CSMD2: variants seen among roughly 807,000 people sequenced by gnomAD.
CSMD2 encodes the protein CUB and sushi domain-containing protein 2.
CSMD2 carries 130 observed loss-of-function variants against 398.5 expected under a neutral mutation model. The ratio of observed to expected loss-of-function variants is 0.33; its 90% CI spans 0.28 to 0.38. The LOEUF is 0.38. Ranked by LOEUF, CSMD2 falls within the 10% of genes least tolerant of loss-of-function variation. The probability of loss-of-function intolerance (pLI) is 1.00; values close to 1 mark genes in which losing one functional copy is unlikely to be tolerated. For missense variants in CSMD2, 3,829 were observed against 4,764.9 expected, an observed-to-expected ratio of 0.80 and a Z score of 5.78; for synonymous variants, 1,828 against 1,908.5, an observed-to-expected ratio of 0.96 and a Z score of 1.10.
chr1:34,052,495 C>CTGTG (rs143571706), intron 2 of CSMD2, among the ~76,000 whole-genome samples: 8,856 of 134,028 alleles, frequency 0.066, 678 homozygotes, highest in African/African-American at 0.19. Context: ...TATGGGACAA[C>CTGTG]TGTGTGTGTG....
chr1:34,026,512 G>A (rs990514809), intron 3 of CSMD2, among the ~76,000 whole-genome samples: 1 of 152,210 alleles, frequency 6.6e-6, no homozygotes, highest in Non-Finnish European at 1.5e-5. Context: ...AGATCTAACA[G>A]ACTGAGACCC....
chr1:33,961,576 CA>C (rs1420252501), intron 3 of CSMD2, among the ~76,000 whole-genome samples: 3 of 152,168 alleles, frequency 2.0e-5, no homozygotes. Context: ...GGGGCCTCAT[CA>C]GTGAGATGAG....
chr1:33,840,786 G>A (rs75971003), intron 6 of CSMD2, among the ~76,000 whole-genome samples: 54 of 152,278 alleles, frequency 3.5e-4, no homozygotes, highest in African/African-American at 1.2e-3. Context: ...GCAGCAACAA[G>A]CCTGCAATTT....
chr1:33,739,400 A>G, intron 14 of CSMD2, 66 bp from the exon 15 acceptor site: 1 of 1,453,478 alleles, frequency 6.9e-7, no homozygotes, highest in South Asian at 1.4e-5. Context: ...CCTAAAGAAA[A>G]TTAGCTTCCT....
chr1:33,534,279 A>G (rs982916481), intron 62 of CSMD2, among the ~76,000 whole-genome samples: 17 of 152,252 alleles, frequency 1.1e-4, no homozygotes, highest in Admixed American at 9.8e-4. Flanking sequence ...CCTTGCCACA[A>G]TCACACTGGA....
intron 22 of CSMD2, among the ~76,000 whole-genome samples, chr1:33,701,006 AG>A (rs1474049731): frequency 6.6e-6 from 1 of 152,128 alleles, no homozygotes; most frequent in African/African-American, 2.4e-5. Context: ...CAGCCTGGGG[AG>A]GCCAGGTTTG....
At chr1:34,040,560 T>A (rs780489420) in intron 2 of CSMD2, among the ~76,000 whole-genome samples, 1 of 152,214 alleles carries the variant, frequency 6.6e-6, no homozygotes, top group Non-Finnish European at 1.5e-5. Context: ...TGTGTATTTC[T>A]AAATGAATGG....
chr1:33,860,688 A>C lies in CSMD2; in HGVS notation c.921-13692T>G, dbSNP rs549138431. ...TGGTTGTAATGAGCTAGACTTGCCCAAAGTTACTCAGCTAGTAAATGGCAA... is the reference window on the plus strand; with the variant it reads ...TGGTTGTAATGAGCTAGACTTGCCCCAAGTTACTCAGCTAGTAAATGGCAA... On this transcript the variant is annotated intron_variant, in intron 5 of 70. Coordinates refer to ENST00000373381, the MANE Select transcript of CSMD2 (RefSeq NM_001281956.2). 3.9e-5 allele frequency: 6 copies of C among 152,334 alleles called. No individual in the cohort carries two copies. The East Asian group carries it at 1.2e-3, about 29-fold the overall frequency. The allele number at this position is 152,334 out of a possible 1,614,324, so 9.4% of individuals were successfully genotyped here.
chr1:34,010,094 G>A (rs1647197524), intron 3 of CSMD2, among the ~76,000 whole-genome samples: 3 of 152,144 alleles, frequency 2.0e-5, no homozygotes, highest in Non-Finnish European at 1.5e-5. Flanking sequence ...ATTCATACAG[G>A]TCTGTCTGCT....
chr1:34,080,976 A>AAGAAAGAAAGAAAGAAAGAAATGC (rs1558349704), intron 2 of CSMD2, among the ~76,000 whole-genome samples: 3 of 150,014 alleles, frequency 2.0e-5, no homozygotes, highest in Non-Finnish European at 4.4e-5. Flanking sequence ...GAAAGAAAGA[A>AAGAAAGAAAGAAAGAAAGAAATGC]ATGCACAGGA....
chr1:34,142,319 A>G (rs1639375870), intron 1 of CSMD2, among the ~76,000 whole-genome samples: 2 of 152,058 alleles, frequency 1.3e-5, no homozygotes, highest in Admixed American at 6.6e-5. Context: ...ATCAAATCAG[A>G]CAACTTGTCC....
chr1:34,150,079 C>CTTTTTTTT (rs772520303), intron 1 of CSMD2, among the ~76,000 whole-genome samples: 3 of 138,090 alleles, frequency 2.2e-5, no homozygotes, highest in African/African-American at 8.1e-5. Flanking sequence ...TTTCTTCTTT[C>CTTTTTTTT]TTTTTTTTTT....
chr1:34,032,804 T>C (rs1023704901), intron 2 of CSMD2, 98 bp from the exon 3 acceptor site: 3 of 785,552 alleles, frequency 3.8e-6, no homozygotes, highest in African/African-American at 1.8e-5. Context: ...ACAGTGCTGA[T>C]CTAGGCACAC....
Position 33,524,921 on chromosome 1 carries a change from T to A in CSMD2, c.10357A>T (p.Thr3453Ser), listed in dbSNP as rs897008235. ...TCCACGCCACTGTGGTCGATCATGG[T>A]GGCATTGACCTTGCTGTTGGCAACT... ...FQVANSKVNA[T>S]MIDHSGVELH... Residue 3453 changes from threonine to serine, a missense_variant, in exon 66 of 71, where the codon ACC (threonine) becomes TCC (serine). Physicochemically the swap from Thr to Ser is moderately conservative, Grantham distance 58. Around this residue, in one of 5 missense-constraint regions of CSMD2, gnomAD observed 917 missense variants for 1,199.5 expected, o/e 0.76. Coordinates refer to ENST00000373381, the MANE Select transcript of CSMD2 (RefSeq NM_001281956.2). 3.1e-5 allele frequency: 50 copies of A among 1,614,122 alleles called. No individual in the cohort carries two copies. The highest frequency in any genetic ancestry group is 3.7e-5 in the Non-Finnish European group (44 of 1,180,054).
intron 5 of CSMD2, among the ~76,000 whole-genome samples, chr1:33,901,463 T>A (rs988615309): frequency 1.3e-5 from 2 of 152,220 alleles, no homozygotes; most frequent in African/African-American, 4.8e-5. Context: ...AGAGTTCATG[T>A]TGGGAGGAGG....
intron 21 of CSMD2, among the ~76,000 whole-genome samples, chr1:33,709,817 T>G (rs1357770220): frequency 6.6e-6 from 1 of 152,042 alleles, no homozygotes; most frequent in Admixed American, 6.6e-5. Flanking sequence ...ACAATGATCA[T>G]TTCTGGTTTA....
At chr1:33,920,160 G>A (rs1643887323) in intron 4 of CSMD2, among the ~76,000 whole-genome samples, 1 of 152,108 alleles carries the variant, frequency 6.6e-6, no homozygotes, top group African/African-American at 2.4e-5. Context: ...CCTGGGGGAA[G>A]AGCATTCACG....
chr1:33,935,913 T>G lies in CSMD2; in HGVS notation c.559A>C (p.Asn187His). The G allele has an allele frequency of 6.2e-7, 1 of 1,613,664 alleles. No homozygotes were observed. The highest frequency in any genetic ancestry group is 8.5e-7 in the Non-Finnish European group (1 of 1,179,736). Residue 187 changes from asparagine to histidine, a missense_variant, in exon 4 of 71, where the codon AAT becomes CAT. Transcript: ENST00000373381. ...HTCGNPGRLPNGIQQGSTFNL... is the reference protein window; with the variant it reads ...HTCGNPGRLPHGIQQGSTFNL... Reference sequence around the variant, plus strand: ...AAGGTTGAACCCTGCTGGATGCCATTGGGCAGCCTCCCTGGGTTCCCACAT... The same window carrying G: ...AAGGTTGAACCCTGCTGGATGCCATGGGGCAGCCTCCCTGGGTTCCCACAT...
chr1:33,642,654 T>C (rs749173626), intron 29 of CSMD2, among the ~76,000 whole-genome samples: 2 of 152,244 alleles, frequency 1.3e-5, no homozygotes, highest in African/African-American at 2.4e-5. Flanking sequence ...GTCAGAGTTA[T>C]TGTTATCTGT....
Sources: allele counts gnomAD v4.1 joint callset (sites outside exome capture counted in the v4.1 genomes callset), GRCh38; gene constraint gnomAD v4.1.1; regional missense constraint gnomAD v4.1.1; transcripts MANE v1.5; gene names NCBI Gene and HGNC (gene_info 2026-07-23, HGNC 2026-07-21).